Variants in PLCB1 observed in about 807,000 individuals in gnomAD.
PLCB1 encodes the protein phospholipase C beta 1, also known as 1-phosphatidylinositol 4,5-bisphosphate phosphodiesterase beta-1.
A neutral mutation model predicts 161.8 loss-of-function variants in PLCB1; 46 were observed. The observed-to-expected ratio is 0.28, with a 90% CI of 0.22 to 0.36. The LOEUF (loss-of-function observed/expected upper bound fraction) is 0.36, where lower values mean the gene tolerates loss of function less well. PLCB1 is among the 10% of genes least tolerant of loss of function. PLCB1 has a pLI of 1.00. For missense variants in PLCB1, 1,016 were observed against 1,472.5 expected, an observed-to-expected ratio of 0.69 and a Z score of 5.07; for synonymous variants, 517 against 503.7, an observed-to-expected ratio of 1.03 and a Z score of -0.35.
chr20:8,196,824 C>T (rs1262704380), intron 2 of PLCB1, among the ~76,000 whole-genome samples: 2 of 151,960 alleles, frequency 1.3e-5, no homozygotes, highest in Non-Finnish European at 2.9e-5. Flanking sequence ...CCCCCTCCCC[C>T]AACCCCACAA....
chr20:8,242,190 G>A (rs1453877783), intron 2 of PLCB1, among the ~76,000 whole-genome samples: 1 of 151,604 alleles, frequency 6.6e-6, no homozygotes, highest in Non-Finnish European at 1.5e-5. Context: ...TTTTCTCTCT[G>A]CAGAATGGCT....
At chr20:8,269,945 AT>A (rs1017484774) in intron 2 of PLCB1, among the ~76,000 whole-genome samples, 13 of 152,006 alleles carry the variant, frequency 8.6e-5, no homozygotes, top group African/African-American at 2.9e-4. Context: ...GAGCTTTACA[AT>A]TTGGGGGTAT....
At chr20:8,662,292 AATT>A (rs1241333300) in intron 9 of PLCB1, among the ~76,000 whole-genome samples, 4 of 115,900 alleles carry the variant, frequency 3.5e-5, no homozygotes, top group Admixed American at 9.6e-5. Context: ...TTATGTATAT[AATT>A]ATTTATTATA....
rs1489167690 is a variant in PLCB1, at chr20:8,393,892, G to A, written c.246+22442G>A. On this transcript the variant is annotated intron_variant, in intron 3 of 31. Transcript: ENST00000338037. ...CAGTAGTGCAGATCCTATTAAAGATGTTTAGAGAACAGGTTCTTAGGTGAT... is the reference window on the plus strand; with the variant it reads ...CAGTAGTGCAGATCCTATTAAAGATATTTAGAGAACAGGTTCTTAGGTGAT... Among the ~76,000 whole-genome samples the A allele has an allele frequency of 5.3e-5, 8 of 152,204 alleles. No homozygotes were observed. In the South Asian group the frequency reaches 1.5e-3, roughly 28 times the overall value.
intron 3 of PLCB1, among the ~76,000 whole-genome samples, chr20:8,506,299 T>G (rs1983635675): frequency 6.6e-6 from 1 of 152,244 alleles, no homozygotes; most frequent in South Asian, 2.1e-4. Context: ...CTTGCTAATC[T>G]AATAATAAGT....
At chr20:8,672,490 C>A (rs529715656) in intron 9 of PLCB1, among the ~76,000 whole-genome samples, 1 of 149,712 alleles carries the variant, frequency 6.7e-6, no homozygotes, top group Non-Finnish European at 1.5e-5. Context: ...TTGGCTACTG[C>A]TGCCTTAAAC....
chr20:8,373,251 T>A (rs1316211274), intron 3 of PLCB1, among the ~76,000 whole-genome samples: 1 of 152,174 alleles, frequency 6.6e-6, no homozygotes, highest in African/African-American at 2.4e-5. Flanking sequence ...CTTCCTTTTT[T>A]TCCCTCCTAT....
At chr20:8,401,013 A>G (rs1978527604) in intron 3 of PLCB1, among the ~76,000 whole-genome samples, 1 of 152,188 alleles carries the variant, frequency 6.6e-6, no homozygotes, top group Non-Finnish European at 1.5e-5. Flanking sequence ...ACCAACAACA[A>G]TCAAGATTAC....
intron 3 of PLCB1, among the ~76,000 whole-genome samples, chr20:8,395,830 CAA>C (rs1276411220): frequency 6.6e-6 from 1 of 150,992 alleles, no homozygotes; most frequent in Non-Finnish European, 1.5e-5. Flanking sequence ...AAAAAAAAAA[CAA>C]ATTGTTATTC....
At chr20:8,397,000 G>C (rs1399608404) in intron 3 of PLCB1, among the ~76,000 whole-genome samples, 1 of 151,784 alleles carries the variant, frequency 6.6e-6, no homozygotes, top group Non-Finnish European at 1.5e-5. Context: ...TTTATTCTTT[G>C]GTAATGCCTC....
chr20:8,209,672 T>C (rs977797239), intron 2 of PLCB1, among the ~76,000 whole-genome samples: 3 of 151,752 alleles, frequency 2.0e-5, no homozygotes, highest in Non-Finnish European at 4.4e-5. Flanking sequence ...CAAAAAGGAG[T>C]TTCTCTCTTC....
At chr20:8,633,269 A>C (rs1379068125) in intron 4 of PLCB1, among the ~76,000 whole-genome samples, 1 of 152,172 alleles carries the variant, frequency 6.6e-6, no homozygotes, top group Admixed American at 6.5e-5. Context: ...TAGAAATATC[A>C]TTTACTGACA....
chr20:8,482,898 A>AT (rs11481141), intron 3 of PLCB1, among the ~76,000 whole-genome samples: 104,661 of 147,888 alleles, frequency 0.71, 36,901 homozygotes, highest in Non-Finnish European at 0.73. Context: ...GCAGTCCTTC[A>AT]TTTTTTTTTT....
intron 2 of PLCB1, among the ~76,000 whole-genome samples, chr20:8,319,972 T>A (rs1984833882): frequency 6.6e-6 from 1 of 151,960 alleles, no homozygotes; most frequent in African/African-American, 2.4e-5. Context: ...GTTGTACACA[T>A]GCACCCTAAA....
At chr20:8,287,573 CA>C (rs1232538785) in intron 2 of PLCB1, among the ~76,000 whole-genome samples, 3 of 152,110 alleles carry the variant, frequency 2.0e-5, no homozygotes, top group African/African-American at 7.2e-5. Context: ...AGGCTGCCGA[CA>C]AGGCAGGCAT....
rs1198061937 is a variant in PLCB1, at chr20:8,708,695, G to A, written c.1193G>A (p.Cys398Tyr). ...GAAGTGATAGAAGCAATTGCGGAGT[G>A]TGCATTTAAGACTTCACCTTTTCCA... Reference protein sequence around the residue: ...FKEVIEAIAECAFKTSPFPIL... With the variant: ...FKEVIEAIAEYAFKTSPFPIL... Residue 398 changes from cysteine to tyrosine, a missense_variant, in exon 12 of 32, where the codon TGT becomes TAT. By Grantham distance (194) the Cys-to-Tyr change is radical (BLOSUM62 -2). This residue lies in a region of PLCB1 where 56 missense variants were observed against 126.3 expected (regional missense o/e 0.44). Transcript: ENST00000338037. 6.2e-7 allele frequency: 1 copy of A among 1,612,976 alleles called. No individual in the cohort carries two copies. The highest frequency in any genetic ancestry group is 8.5e-7 in the Non-Finnish European group (1 of 1,179,078).
chr20:8,214,133 T>G, intron 2 of PLCB1, among the ~76,000 whole-genome samples: 1 of 152,164 alleles, frequency 6.6e-6, no homozygotes, highest in East Asian at 1.9e-4. Context: ...GCTTTGGGAC[T>G]GATTTACAAA....
chr20:8,686,693 A>C (rs1338445028), intron 10 of PLCB1, among the ~76,000 whole-genome samples: 1 of 152,212 alleles, frequency 6.6e-6, no homozygotes, highest in African/African-American at 2.4e-5. Context: ...TTGAGAGACC[A>C]AATTGTCTCA....
intron 2 of PLCB1, among the ~76,000 whole-genome samples, chr20:8,253,028 A>G (rs1327489690): frequency 6.6e-6 from 1 of 151,974 alleles, no homozygotes; most frequent in East Asian, 1.9e-4. Context: ...TGGATTAACA[A>G]TAATATGGTC....
Sources: gnomAD v4.1 joint callset for allele counts (sites outside exome capture counted in the v4.1 genomes callset) on GRCh38, gnomAD v4.1.1 for gene constraint, gnomAD v4.1.1 regional missense constraint, MANE v1.5 for transcripts, NCBI Gene and HGNC (gene_info 2026-07-23, HGNC 2026-07-21) for gene names.